SDK1: variants seen among roughly 807,000 people sequenced by gnomAD.
SDK1 encodes sidekick cell adhesion molecule 1, also known as protein sidekick-1.
In SDK1, 157 loss-of-function variants were observed where a neutral mutation model predicts 245.5. That is an observed-to-expected ratio of 0.64 (90% CI 0.56 to 0.73). The LOEUF (loss-of-function observed/expected upper bound fraction) is 0.73. Ranked by LOEUF, SDK1 falls within the 30% of genes least tolerant of loss-of-function variation. The pLI is 0.00. For synonymous variants in SDK1, 1,647 were observed against 1,278.5 expected (o/e 1.29, Z -6.15); for missense variants, 3,583 against 3,002.3 (o/e 1.19, Z -4.52).
intron 1 of SDK1, among the ~76,000 whole-genome samples, chr7:3,576,429 C>T (rs570801562): frequency 2.0e-5 from 3 of 151,968 alleles, no homozygotes; most frequent in South Asian, 2.1e-4. Flanking sequence ...TCAGGGGAGT[C>T]GCAGGTACAC....
intron 12 of SDK1, among the ~76,000 whole-genome samples, chr7:3,973,208 G>A (rs1040867360): frequency 3.9e-5 from 6 of 152,266 alleles, no homozygotes; most frequent in African/African-American, 4.8e-5. Flanking sequence ...GCGATGCCCC[G>A]GCGTGAGCAG....
chr7:3,420,279 G>C (rs1007688300), intron 1 of SDK1, among the ~76,000 whole-genome samples: 1 of 152,190 alleles, frequency 6.6e-6, no homozygotes, highest in Non-Finnish European at 1.5e-5. Flanking sequence ...TTGTTTAACA[G>C]AAAAGATTTT....
intron 5 of SDK1, among the ~76,000 whole-genome samples, chr7:3,832,738 G>T (rs188293163): frequency 1.1e-4 from 16 of 152,212 alleles, no homozygotes; most frequent in Admixed American, 8.5e-4. Flanking sequence ...TGAGTTCTTC[G>T]CAATAGTCTC....
chr7:4,145,580 C>T (rs1779908899), intron 28 of SDK1, 142 bp from the exon 29 acceptor site: 1 of 686,376 alleles, frequency 1.5e-6, no homozygotes. Flanking sequence ...TGAGACCACC[C>T]TTTCAGTGCA....
At chr7:3,503,003 G>C in intron 1 of SDK1, among the ~76,000 whole-genome samples, 1 of 152,154 alleles carries the variant, frequency 6.6e-6, no homozygotes, top group Non-Finnish European at 1.5e-5. Context: ...TTACACTGGT[G>C]ATGTTATTAA....
At chr7:3,629,912 A>G (rs903053500) in intron 2 of SDK1, among the ~76,000 whole-genome samples, 7 of 152,242 alleles carry the variant, frequency 4.6e-5, no homozygotes, top group Admixed American at 3.3e-4. Flanking sequence ...TTATAACTGT[A>G]TTGCATATGA....
At chr7:3,583,807 G>A (rs1780594015) in intron 1 of SDK1, among the ~76,000 whole-genome samples, 1 of 152,134 alleles carries the variant, frequency 6.6e-6, no homozygotes, top group South Asian at 2.1e-4. Context: ...ATCTGCAACA[G>A]TAGAATTTAT....
At chr7:3,902,005 T>C (rs894913353) in intron 5 of SDK1, among the ~76,000 whole-genome samples, 2 of 152,224 alleles carry the variant, frequency 1.3e-5, no homozygotes, top group African/African-American at 4.8e-5. Flanking sequence ...TCTCACTTTC[T>C]AGCACAACAA....
intron 5 of SDK1, among the ~76,000 whole-genome samples, chr7:3,840,231 A>C (rs1460471178): frequency 6.6e-6 from 1 of 152,224 alleles, no homozygotes; most frequent in African/African-American, 2.4e-5. Flanking sequence ...GTAATTTTAA[A>C]CCAAAAGTTG....
chr7:4,203,618 C>T (rs1235348372), intron 35 of SDK1, among the ~76,000 whole-genome samples: 2 of 151,924 alleles, frequency 1.3e-5, no homozygotes, highest in African/African-American at 4.8e-5. Context: ...GAACGACAAT[C>T]AGATGCTCCG....
chr7:3,859,963 A>T (rs551526911), intron 5 of SDK1, among the ~76,000 whole-genome samples: 42 of 151,750 alleles, frequency 2.8e-4, no homozygotes, highest in African/African-American at 1.0e-3. Flanking sequence ...TCTGTCGCCC[A>T]GGCTAGAGTG....
intron 5 of SDK1, among the ~76,000 whole-genome samples, chr7:3,835,037 T>G (rs968420325): frequency 1.3e-5 from 2 of 152,200 alleles, no homozygotes; most frequent in Admixed American, 1.3e-4. Context: ...TTTCTGCCTC[T>G]CCTTTTTCTC....
intron 5 of SDK1, among the ~76,000 whole-genome samples, chr7:3,890,337 C>T (rs148678989): frequency 1.1e-4 from 16 of 152,124 alleles, no homozygotes; most frequent in Admixed American, 5.9e-4. Flanking sequence ...CAGCAGATTG[C>T]GAAGACTTTG....
At chr7:3,358,454 TTTTCTC>T (rs1157824234) in intron 1 of SDK1, among the ~76,000 whole-genome samples, 7 of 152,178 alleles carry the variant, frequency 4.6e-5, no homozygotes, top group African/African-American at 1.7e-4. Flanking sequence ...CTTGTTTTGT[TTTTCTC>T]TTTTCTTTTT....
chr7:3,852,203 C>A (rs938635121), intron 5 of SDK1, among the ~76,000 whole-genome samples: 6 of 147,682 alleles, frequency 4.1e-5, no homozygotes, highest in African/African-American at 1.5e-4. Flanking sequence ...ACTTGAGATT[C>A]TTTAAATCAT....
chr7:4,173,915 G>T (rs1053221976), intron 32 of SDK1, among the ~76,000 whole-genome samples: 1 of 152,222 alleles, frequency 6.6e-6, no homozygotes, highest in Non-Finnish European at 1.5e-5. Context: ...CTCGCCGTCT[G>T]TGTCTGTCCC....
At chr7:3,959,294 A>G (rs1038820339) in intron 8 of SDK1, among the ~76,000 whole-genome samples, 5 of 152,134 alleles carry the variant, frequency 3.3e-5, no homozygotes, top group African/African-American at 7.2e-5. Context: ...ACTCCATCAT[A>G]TCCTGTGGAC....
intron 35 of SDK1, among the ~76,000 whole-genome samples, chr7:4,204,505 G>A (rs957205185): frequency 2.0e-5 from 3 of 151,916 alleles, no homozygotes; most frequent in Non-Finnish European, 2.9e-5. Context: ...TTTATTCTGC[G>A]CTGGGGGGAG....
intron 35 of SDK1, among the ~76,000 whole-genome samples, chr7:4,183,272 G>A (rs907809261): frequency 1.3e-5 from 2 of 152,190 alleles, no homozygotes; most frequent in Non-Finnish European, 2.9e-5. Flanking sequence ...GTTATCTTTA[G>A]AAGCAACTGG....
Sources: gnomAD v4.1 joint callset for allele counts (sites outside exome capture counted in the v4.1 genomes callset) on GRCh38, gnomAD v4.1.1 for gene constraint, MANE v1.5 for transcripts, NCBI Gene and HGNC (gene_info 2026-07-23, HGNC 2026-07-21) for gene names.